The following TAMM41 variants were observed in gnomAD, a reference collection of about 807,000 sequenced individuals.
TAMM41 encodes phosphatidate cytidylyltransferase, mitochondrial.
A neutral mutation model predicts 44.1 loss-of-function variants in TAMM41; 36 were observed. The observed-to-expected ratio is 0.82, with a 90% CI of 0.63 to 1.08. TAMM41 has a LOEUF of 1.08. Ranked by LOEUF, TAMM41 falls within the 50% of genes least tolerant of loss-of-function variation. The pLI, the probability that TAMM41 is intolerant of heterozygous loss-of-function variation, is 0.00. For missense variants in TAMM41, 417 were observed against 404.3 expected, an observed-to-expected ratio of 1.03 and a Z score of -0.27; for synonymous variants, 164 against 153.1, an observed-to-expected ratio of 1.07 and a Z score of -0.53.
chr3:11,805,722 T>G (rs531113570), intron 7 of TAMM41, among the ~76,000 whole-genome samples: 154 of 152,216 alleles, frequency 1.0e-3, no homozygotes, highest in Non-Finnish European at 1.7e-3. Flanking sequence ...TAGAATTAGG[T>G]TGAAAGATCA....
chr3:11,786,311 T>TTATTATTATTA (rs1553564682), downstream of TAMM41, among the ~76,000 whole-genome samples: 1 of 147,610 alleles, frequency 6.8e-6, no homozygotes, highest in Admixed American at 6.8e-5. Context: ...ATTATTATTA[T>TTATTATTATTA]TATTATTTTT....
At chr3:11,840,911 G>T (rs1035624396) in intron 2 of TAMM41, among the ~76,000 whole-genome samples, 1 of 151,990 alleles carries the variant, frequency 6.6e-6, no homozygotes, top group African/African-American at 2.4e-5. Context: ...CAAAGTACAA[G>T]AAATTTTCCT....
the TAMM41 span, among the ~76,000 whole-genome samples, chr3:11,752,625 C>CTTTT: frequency 3.0e-3 from 121 of 39,958 alleles, 25 homozygotes; most frequent in Non-Finnish European, 4.2e-3. Context: ...TCTTACAAAG[C>CTTTT]TTTTTTTTTT....
At chr3:11,794,994 A>G (rs1249417871) in intron 7 of TAMM41, among the ~76,000 whole-genome samples, 1 of 152,246 alleles carries the variant, frequency 6.6e-6, no homozygotes, top group African/African-American at 2.4e-5. Flanking sequence ...AATCAGCAAC[A>G]GAGCACCAGT....
the TAMM41 span, among the ~76,000 whole-genome samples, chr3:11,778,905 C>A: frequency 6.6e-6 from 1 of 152,010 alleles, no homozygotes; most frequent in African/African-American, 2.4e-5. Context: ...TTTTCCCATT[C>A]TTTAGGTTAG....
chr3:11,832,483 G>A (rs980366369), intron 3 of TAMM41, among the ~76,000 whole-genome samples: 3 of 152,148 alleles, frequency 2.0e-5, no homozygotes, highest in Non-Finnish European at 4.4e-5. Context: ...TATCAGAGAC[G>A]TGAATTCTGA....
intron 1 of TAMM41, 95 bp downstream of exon 1, chr3:11,846,407 A>G: frequency 7.0e-7 from 1 of 1,424,406 alleles, no homozygotes; most frequent in Non-Finnish European, 9.8e-7. Flanking sequence ...GAGTGTGCAG[A>G]GCGGACAGGC....
At chr3:11,838,243 C>T (rs2079269534) in intron 3 of TAMM41, among the ~76,000 whole-genome samples, 1 of 152,230 alleles carries the variant, frequency 6.6e-6, no homozygotes, top group Non-Finnish European at 1.5e-5. Flanking sequence ...AAGACGGAGT[C>T]TCACTCTGTC....
chr3:11,741,628 A>C, the TAMM41 span, among the ~76,000 whole-genome samples: 4 of 150,048 alleles, frequency 2.7e-5, no homozygotes, highest in Non-Finnish European at 4.4e-5. Flanking sequence ...AACCAGCACA[A>C]ATTTCTTTTT....
At chr3:11,827,450 C>T (rs988567724) in intron 4 of TAMM41, among the ~76,000 whole-genome samples, 1 of 151,742 alleles carries the variant, frequency 6.6e-6, no homozygotes, top group Non-Finnish European at 1.5e-5. Context: ...GCTGGGATTA[C>T]AGGCATGCAC....
rs149193236 is a variant in TAMM41 at position 11,809,513 on chromosome 3, G to A, written c.874+4C>T. ...TTTCCTCAACATCAAATTCATAAACGTACCTAGTCGCACCACATCTCCACA... is the reference window on the plus strand; with the variant it reads ...TTTCCTCAACATCAAATTCATAAACATACCTAGTCGCACCACATCTCCACA... On this transcript the variant is annotated splice_donor_region_variant and intron_variant, in intron 6 of 7. Coordinates refer to ENST00000455809, the MANE Select transcript of TAMM41 (RefSeq NM_001284401.2). 338 of 1,612,956 alleles carry A rather than the reference G, an allele frequency of 2.1e-4. 2 individuals carry two copies. The East Asian group carries it at 4.7e-3, about 23-fold the overall frequency.
chr3:11,725,359 T>C, the TAMM41 span, among the ~76,000 whole-genome samples: 1,204 of 111,818 alleles, frequency 0.011, 11 homozygotes, highest in Non-Finnish European at 0.017. Flanking sequence ...TCCTTTTTTT[T>C]CTTCTTCTCC....
rs1488124213 is a variant in TAMM41 at position 11,824,441 on chromosome 3, AC to A, written c.562+5272del. On this transcript the variant is annotated intron_variant, in intron 4 of 7. Coordinates refer to ENST00000455809, the MANE Select transcript of TAMM41 (RefSeq NM_001284401.2). ...AGTGGCACCATCTCAGCTCACTGCA[AC>A]CTTCGCCCGCCCGGCTAATTTCTGT... 1.1e-4 allele frequency among the ~76,000 whole-genome samples: 16 copies of A among 148,970 alleles called. No individual in the cohort carries two copies. The Admixed American group carries it at 1.1e-3, about 10-fold the overall frequency.
intron 3 of TAMM41, among the ~76,000 whole-genome samples, chr3:11,833,928 A>C (rs2079077619): frequency 6.6e-6 from 1 of 152,148 alleles, no homozygotes; most frequent in African/African-American, 2.4e-5. Context: ...TGGTATGCGA[A>C]TTTTATCTCA....
At chr3:11,788,497 C>T (rs2124904441), downstream of TAMM41, among the ~76,000 whole-genome samples, 1 of 152,278 alleles carries the variant, frequency 6.6e-6, no homozygotes, top group Non-Finnish European at 1.5e-5. Context: ...CTATGTTGCC[C>T]AAGCTGCTCT....
intron 2 of TAMM41, among the ~76,000 whole-genome samples, chr3:11,840,188 C>T (rs990497467): frequency 6.6e-6 from 1 of 152,046 alleles, no homozygotes; most frequent in Admixed American, 6.6e-5. Context: ...TGAGTGACAA[C>T]ACCAGTTCTC....
intron 7 of TAMM41, 110 bp downstream of exon 7, chr3:11,807,723 G>A (rs767885316): frequency 8.9e-5 from 137 of 1,536,006 alleles, no homozygotes; most frequent in Non-Finnish European, 1.1e-4. Context: ...GGCCATCAAA[G>A]CTCAGCATTT....
rs780245680 is a variant in TAMM41, at chr3:11,846,510, C to G, written c.127G>C (p.Asp43His). Residue 43 changes from aspartate to histidine, a missense_variant, in exon 1 of 8, where the codon GAC (aspartate) becomes CAC (histidine). Coordinates refer to ENST00000455809, the MANE Select transcript of TAMM41 (RefSeq NM_001284401.2). ...GVYRQAGPSS[D>H]QKNAMLDFVF... ...GGGCTGCCCGGGCTCACCTTCTGGT[C>G]TGAACTCGGCCCTGCCTGGCGGTAC... is the stretch of plus-strand genomic sequence containing the variant. The G allele has an allele frequency of 6.2e-7, 1 of 1,614,186 alleles. No homozygotes were observed. Among genetic ancestry groups the G allele is most frequent in the Admixed American group, 1.7e-5 (1 of 60,028 alleles).
the TAMM41 span, among the ~76,000 whole-genome samples, chr3:11,753,627 C>G: frequency 8.0e-3 from 1,219 of 152,004 alleles, 16 homozygotes; most frequent in African/African-American, 0.028. Flanking sequence ...GTCCCAGCTA[C>G]TCGGGAGGCT....
Sources: gnomAD v4.1 joint callset for allele counts (sites outside exome capture counted in the v4.1 genomes callset) on GRCh38, gnomAD v4.1.1 for gene constraint, MANE v1.5 for transcripts, NCBI Gene and HGNC (gene_info 2026-07-23, HGNC 2026-07-21) for gene names.